Variants in FHOD3 observed in about 807,000 individuals in gnomAD.
The protein encoded by FHOD3 is formin homology 2 domain containing 3, also known as FH1/FH2 domain-containing protein 3.
In FHOD3, 90 loss-of-function variants were observed where a neutral mutation model predicts 173.0. The observed-to-expected ratio is 0.52, with a 90% confidence interval of 0.44 to 0.62. The LOEUF is 0.62. Among genes scored for constraint, FHOD3 ranks in the 20% least tolerant of loss-of-function variants. The probability of loss-of-function intolerance (pLI) is 0.00; values close to 1 mark genes in which losing one functional copy is unlikely to be tolerated. For synonymous variants in FHOD3, 828 were observed against 823.0 expected, an observed-to-expected ratio of 1.01 and a Z score of -0.10; for missense variants, 1,945 against 2,034.7, an observed-to-expected ratio of 0.96 and a Z score of 0.85.
At chr18:36,650,885 A>G (rs2036004414) in intron 11 of FHOD3, among the ~76,000 whole-genome samples, 1 of 152,220 alleles carries the variant, frequency 6.6e-6, no homozygotes, top group Non-Finnish European at 1.5e-5. Flanking sequence ...TGCCTGGAAG[A>G]GTCTCTGACT....
At chr18:36,303,868 G>C (rs1463014330) in intron 1 of FHOD3, among the ~76,000 whole-genome samples, 1 of 152,150 alleles carries the variant, frequency 6.6e-6, no homozygotes, top group Admixed American at 6.5e-5. Context: ...AAGATTTTTG[G>C]GGGTGAAGGG....
chr18:36,575,715 A>T (rs1002434184), intron 5 of FHOD3, among the ~76,000 whole-genome samples: 1 of 152,180 alleles, frequency 6.6e-6, no homozygotes, highest in Non-Finnish European at 1.5e-5. Flanking sequence ...TTTGTTCATT[A>T]TCTATCAGTC....
At chr18:36,474,986 T>TACAC (rs3056805) in intron 3 of FHOD3, among the ~76,000 whole-genome samples, 3,442 of 108,036 alleles carry the variant, frequency 0.032, 71 homozygotes, top group Non-Finnish European at 0.045. Flanking sequence ...AATACACACA[T>TACAC]ACACACACAC....
chr18:36,335,384 A>G (rs1052251310), intron 1 of FHOD3, among the ~76,000 whole-genome samples: 1 of 150,964 alleles, frequency 6.6e-6, no homozygotes, highest in African/African-American at 2.4e-5. Flanking sequence ...AGTCCCAGCT[A>G]CTCGGGAGGC....
chr18:36,465,372 A>G (rs2052852015), intron 3 of FHOD3, among the ~76,000 whole-genome samples: 1 of 152,176 alleles, frequency 6.6e-6, no homozygotes, highest in Admixed American at 6.5e-5. Flanking sequence ...GAGGAGCACA[A>G]GCAATGATGT....
intron 5 of FHOD3, among the ~76,000 whole-genome samples, chr18:36,526,756 G>A (rs1007480722): frequency 6.6e-6 from 1 of 152,088 alleles, no homozygotes; most frequent in Non-Finnish European, 1.5e-5. Flanking sequence ...TGTTTCATGG[G>A]AATTTCATAA....
intron 7 of FHOD3, 45 bp from the exon 8 acceptor site, chr18:36,602,629 A>G (rs2031540601): frequency 1.5e-6 from 2 of 1,339,228 alleles, no homozygotes; most frequent in South Asian, 1.2e-5. Flanking sequence ...TAGATAAAGA[A>G]TGTTGATGAA....
At chr18:36,512,616 C>A in intron 5 of FHOD3, 73 bp downstream of exon 5, 2 of 1,054,162 alleles carry the variant, frequency 1.9e-6, no homozygotes, top group Non-Finnish European at 2.9e-6. Flanking sequence ...AGGAACTTAA[C>A]TACTGAGAGC....
At chr18:36,778,979 C>T (rs1335138291) in intron 28 of FHOD3, 1 of 155,078 alleles carries the variant, frequency 6.4e-6, no homozygotes, top group Non-Finnish European at 1.4e-5. Flanking sequence ...TCTTGTGGAA[C>T]CCCTCGCTGT....
chr18:36,494,941 C>A (rs1454306914), intron 3 of FHOD3, among the ~76,000 whole-genome samples: 2 of 152,102 alleles, frequency 1.3e-5, no homozygotes, highest in Non-Finnish European at 2.9e-5. Context: ...ATGCCCAAAC[C>A]AGCAACTCTG....
chr18:36,627,692 C>A (rs1249788840), intron 10 of FHOD3, among the ~76,000 whole-genome samples: 2 of 152,078 alleles, frequency 1.3e-5, no homozygotes, highest in African/African-American at 2.4e-5. Flanking sequence ...ATTTACGAAG[C>A]CTGTTGGAGG....
Position 36,551,467 on chromosome 18 carries a change from A to T in FHOD3, c.512-24984A>T, listed in dbSNP as rs546601511. Among the ~76,000 whole-genome samples, 24 of 151,906 alleles carry T rather than the reference A, an allele frequency of 1.6e-4. No individual in the cohort carries two copies. The South Asian group carries it at 3.9e-3, about 25-fold the overall frequency. ...TTATTTCTTTAATTTAATTTGATTA[A>T]TTTATTTAATTAATTAATTTAATTA... On this transcript the variant is annotated intron_variant, in intron 5 of 28. Transcript: ENST00000590592.
At chr18:36,537,678 C>T (rs1356527456) in intron 5 of FHOD3, among the ~76,000 whole-genome samples, 1 of 152,126 alleles carries the variant, frequency 6.6e-6, no homozygotes, top group Non-Finnish European at 1.5e-5. Flanking sequence ...ATGCACCAAA[C>T]AACAGAGCTG....
chr18:36,671,697 G>GT (rs1172459849), intron 14 of FHOD3, among the ~76,000 whole-genome samples: 2 of 152,176 alleles, frequency 1.3e-5, no homozygotes, highest in African/African-American at 4.8e-5. Context: ...TACAACATGT[G>GT]TTTTTGTGGC....
At chr18:36,424,763 A>C (rs1599061635) in intron 3 of FHOD3, among the ~76,000 whole-genome samples, 1 of 152,336 alleles carries the variant, frequency 6.6e-6, no homozygotes, top group East Asian at 1.9e-4. Context: ...GACATAAACA[A>C]TTCATAAGTT....
At chr18:36,474,986 TACACACACACACACACACAC>T (rs3056805) in intron 3 of FHOD3, among the ~76,000 whole-genome samples, 135 of 108,112 alleles carry the variant, frequency 1.2e-3, no homozygotes, top group East Asian at 4.9e-3. Flanking sequence ...AATACACACA[TACACACACACACACACACAC>T]ACACACACAC....
At chr18:36,301,682 T>A (rs2091959541) in intron 1 of FHOD3, among the ~76,000 whole-genome samples, 1 of 152,270 alleles carries the variant, frequency 6.6e-6, no homozygotes, top group Non-Finnish European at 1.5e-5. Context: ...GAAAAACCTC[T>A]GCAGTAGCAT....
chr18:36,629,383 T>C (rs1338086195), intron 10 of FHOD3, among the ~76,000 whole-genome samples: 1 of 152,070 alleles, frequency 6.6e-6, no homozygotes, highest in Middle Eastern at 3.2e-3. Context: ...ATTCTTTTGA[T>C]TTTTTTTCAA....
At chr18:36,329,900 A>G (rs2044895849) in intron 1 of FHOD3, among the ~76,000 whole-genome samples, 1 of 152,208 alleles carries the variant, frequency 6.6e-6, no homozygotes, top group African/African-American at 2.4e-5. Flanking sequence ...TCACTTGCAT[A>G]TGCTAAATCA....
Sources: allele counts gnomAD v4.1 joint callset (sites outside exome capture counted in the v4.1 genomes callset), GRCh38; gene constraint gnomAD v4.1.1; transcripts MANE v1.5; gene names NCBI Gene and HGNC (gene_info 2026-07-23, HGNC 2026-07-21).